NUDCD3: variants seen among roughly 807,000 people sequenced by gnomAD.
The protein encoded by NUDCD3 is NudC domain containing 3.
A neutral mutation model predicts 39.7 loss-of-function variants in NUDCD3; 13 were observed. The ratio of observed to expected loss-of-function variants is 0.33; its 90% CI spans 0.21 to 0.52. NUDCD3 has a LOEUF of 0.52. Among genes scored for constraint, NUDCD3 ranks in the 20% least tolerant of loss-of-function variants. The pLI is 0.96. For synonymous variants in NUDCD3, 175 were observed against 172.4 expected, an observed-to-expected ratio of 1.02 and a Z score of -0.12; for missense variants, 453 against 458.1, an observed-to-expected ratio of 0.99 and a Z score of 0.10.
chr7:44,461,954 A>C (rs1409557458), intron 2 of NUDCD3, among the ~76,000 whole-genome samples: 1 of 152,190 alleles, frequency 6.6e-6, no homozygotes, highest in Non-Finnish European at 1.5e-5. Context: ...GACAGTGTTC[A>C]AGTGCCTGGC....
intron 2 of NUDCD3, among the ~76,000 whole-genome samples, chr7:44,428,203 G>A (rs535655136): frequency 1.3e-5 from 2 of 151,004 alleles, no homozygotes; most frequent in Non-Finnish European, 2.9e-5. Flanking sequence ...GGGAGGCCAA[G>A]GGCGGGTGAA....
intron 2 of NUDCD3, among the ~76,000 whole-genome samples, chr7:44,450,592 G>C (rs1799776976): frequency 6.6e-6 from 1 of 151,864 alleles, no homozygotes; most frequent in Non-Finnish European, 1.5e-5. Flanking sequence ...AGGAGTTTGA[G>C]ACCAGCCTGG....
In NUDCD3 at chr7:44,404,532, T is replaced by A; in HGVS notation, c.694A>T (p.Asn232Tyr). The change falls in exon 4 of 6, where the codon AAT becomes TAT. Residue 232 changes from asparagine to tyrosine, a missense_variant. Asn to Tyr is a moderately radical substitution (Grantham distance 143, BLOSUM62 -2). Coordinates refer to ENST00000355451, the MANE Select transcript of NUDCD3 (RefSeq NM_015332.4). ...CCTTCCATGAGGACGCGCTCCCCAT[T>A]TTCCTCCAGCATGGCCACACGAATG... ...SSIRVAMLEE[N>Y]GERVLMEGKL... is the part of the protein sequence containing the mutation. 1 of 1,613,952 alleles carries A rather than the reference T, an allele frequency of 6.2e-7. No homozygotes were observed. The highest frequency in any genetic ancestry group is 8.5e-7 in the Non-Finnish European group (1 of 1,179,988).
chr7:44,488,638 A>T (rs1358283909), intron 1 of NUDCD3, among the ~76,000 whole-genome samples: 1 of 152,170 alleles, frequency 6.6e-6, no homozygotes, highest in African/African-American at 2.4e-5. Flanking sequence ...ACCTGTCTAA[A>T]ACTGAACTTT....
rs1269250629 is a variant in NUDCD3 at position 44,441,750 on chromosome 7, C to T, written c.510-14047G>A. 9.9e-5 allele frequency among the ~76,000 whole-genome samples: 15 copies of T among 152,150 alleles called. No individual in the cohort carries two copies. In the East Asian group the frequency reaches 1.9e-3, roughly 20 times the overall value. The stretch of plus-strand genomic sequence containing the variant: ...GGTCCCAGGACACAGATGGGAACAA[C>T]GTGGGACTTACAAACTTGGAGTTAA... On this transcript the variant is annotated intron_variant, in intron 2 of 5. Transcript: ENST00000355451.
intron 2 of NUDCD3, among the ~76,000 whole-genome samples, chr7:44,436,184 T>C (rs1799460505): frequency 6.6e-6 from 1 of 152,190 alleles, no homozygotes; most frequent in Non-Finnish European, 1.5e-5. Context: ...AATTACAAAT[T>C]TGTAAGATAA....
intron 2 of NUDCD3, among the ~76,000 whole-genome samples, chr7:44,439,278 T>G (rs1263089008): frequency 6.6e-6 from 1 of 152,136 alleles, no homozygotes; most frequent in East Asian, 1.9e-4. Context: ...AACTCACCTA[T>G]TAAAAGAGGT....
Position 44,384,335 on chromosome 7 carries a change from G to A in NUDCD3, c.*1676C>T, listed in dbSNP as rs2116851208. ...GAAAAAAAATGACAAGTCTTTCTCA[G>A]GACCCCTCATAGATGACAAGAATTC... On this transcript the variant is annotated 3_prime_UTR_variant, in exon 6 of 6. Coordinates refer to ENST00000355451, the MANE Select transcript of NUDCD3 (RefSeq NM_015332.4). 1 of 152,276 alleles carries A rather than the reference G, an allele frequency of 6.6e-6. No individual in the cohort carries two copies. The highest frequency in any genetic ancestry group is 1.9e-4 in the East Asian group (1 of 5,180). 9.4% of individuals were successfully genotyped at this position (152,276 alleles called of 1,614,324 possible). A position where few individuals can be genotyped will look rare whatever the true frequency, so the allele number is the denominator to read the frequency against.
At position 44,485,252 on chromosome 7, in the gene NUDCD3, C is replaced by G; in HGVS notation, c.225G>C (p.Gln75His). The change falls in exon 2 of 6, where the codon CAG becomes CAC. Residue 75 changes from glutamine (Q) to histidine (H), a missense_variant. Physicochemically the swap from Gln to His is conservative, Grantham distance 24 (BLOSUM62 0). Coordinates refer to ENST00000355451, the MANE Select transcript of NUDCD3 (RefSeq NM_015332.4). ...VFKTFDHMAR[Q>H]DDEKRRQELE... ...GTTCCTGCCTTCTCTTCTCATCATC[C>G]TGACGGGCCATGTGGTCAAAGGTTT... 1 of 1,613,554 alleles carries G rather than the reference C, an allele frequency of 6.2e-7. No homozygotes were observed. The highest frequency in any genetic ancestry group is 8.5e-7 in the Non-Finnish European group (1 of 1,179,662).
chr7:44,427,350 C>A (rs1020399901), intron 3 of NUDCD3, among the ~76,000 whole-genome samples: 1 of 152,124 alleles, frequency 6.6e-6, no homozygotes, highest in African/African-American at 2.4e-5. Flanking sequence ...GGTTCACCAT[C>A]CCCAAAGGGA....
intron 2 of NUDCD3, among the ~76,000 whole-genome samples, chr7:44,458,936 CTGTGTGTGTGTGTGTGTGTGTG>C (rs55947411): frequency 2.6e-5 from 3 of 116,060 alleles, no homozygotes; most frequent in Admixed American, 9.2e-5. Flanking sequence ...ACGGGGAGTG[CTGTGTGTGTGTGTGTGTGTGTG>C]TGTGTGTGTG....
intron 2 of NUDCD3, among the ~76,000 whole-genome samples, chr7:44,479,955 T>C (rs1800453411): frequency 6.6e-6 from 1 of 152,214 alleles, no homozygotes; most frequent in Non-Finnish European, 1.5e-5. Context: ...TCCTGTTTTG[T>C]TCAAGGAAAA....
rs975410616 is a variant in NUDCD3, at chr7:44,392,554, A to G, written c.787-69T>C. The G allele has an allele frequency of 2.1e-6, 3 of 1,395,444 alleles. No homozygotes were observed. The African/African-American group carries it at 4.3e-5, about 20-fold the overall frequency. The allele number at this position is 1,395,444 out of a possible 1,614,324, so 86.4% of individuals were successfully genotyped here. On this transcript the variant is annotated intron_variant, in intron 4 of 5. Transcript: ENST00000355451. ...AGGTGTCCAGGGCTGGGGACAGAGC[A>G]GAGCCCACTGAGGGATGGGTGTCCA...
At chr7:44,388,736 G>A (rs912627241) in intron 5 of NUDCD3, among the ~76,000 whole-genome samples, 1 of 152,228 alleles carries the variant, frequency 6.6e-6, no homozygotes, top group African/African-American at 2.4e-5. Flanking sequence ...ATCTCAGGGA[G>A]AGGGTCACTC....
At chr7:44,388,785 A>G (rs1798452816) in intron 5 of NUDCD3, among the ~76,000 whole-genome samples, 1 of 152,354 alleles carries the variant, frequency 6.6e-6, no homozygotes, top group African/African-American at 2.4e-5. Flanking sequence ...GGGCTCCTGC[A>G]TGTCGCTGAA....
intron 3 of NUDCD3, among the ~76,000 whole-genome samples, chr7:44,418,559 T>C (rs763845520): frequency 1.3e-5 from 2 of 152,236 alleles, no homozygotes; most frequent in Non-Finnish European, 2.9e-5. Flanking sequence ...CCAAGTTAAC[T>C]TGGATGATTC....
intron 1 of NUDCD3, among the ~76,000 whole-genome samples, chr7:44,488,984 T>C (rs1800675604): frequency 6.6e-6 from 1 of 151,992 alleles, no homozygotes; most frequent in Non-Finnish European, 1.5e-5. Flanking sequence ...TATACTCCTT[T>C]CTCCTCCACA....
Position 44,477,516 on chromosome 7 carries a change from T to A in NUDCD3, c.509+7452A>T, listed in dbSNP as rs143057468. On this transcript the variant is annotated intron_variant, in intron 2 of 5. Coordinates refer to ENST00000355451, the MANE Select transcript of NUDCD3 (RefSeq NM_015332.4). ...AAGGCAAAGTCACCATCCCACTGTCTACAGCAACACCTGCAGGTCAAGAGC... is the reference window on the plus strand; with the variant it reads ...AAGGCAAAGTCACCATCCCACTGTCAACAGCAACACCTGCAGGTCAAGAGC... Among the ~76,000 whole-genome samples, 364 of 152,316 alleles carry A rather than the reference T, an allele frequency of 2.4e-3. 2 individuals carry two copies. The highest frequency in any genetic ancestry group is 8.5e-3 in the African/African-American group (354 of 41,564).
At chr7:44,478,879 T>C (rs1002396815) in intron 2 of NUDCD3, among the ~76,000 whole-genome samples, 5 of 152,358 alleles carry the variant, frequency 3.3e-5, no homozygotes, top group Non-Finnish European at 5.9e-5. Context: ...AATGTCATTG[T>C]ATTAGTCCAT....
Sources: allele counts gnomAD v4.1 joint callset (sites outside exome capture counted in the v4.1 genomes callset), GRCh38; gene constraint gnomAD v4.1.1; transcripts MANE v1.5; gene names NCBI Gene and HGNC (gene_info 2026-07-23, HGNC 2026-07-21).